The following ANXA8 variants were observed in gnomAD, a reference collection of about 807,000 sequenced individuals.
The protein encoded by ANXA8 is annexin A8, also known as VAC-beta.
In ANXA8, 9 loss-of-function variants were observed where a neutral mutation model predicts 26.8. The ratio of observed to expected loss-of-function variants is 0.34; its 90% CI spans 0.20 to 0.59. The LOEUF (loss-of-function observed/expected upper bound fraction) is 0.59, where lower values mean the gene tolerates loss of function less well. ANXA8 is among the 20% of genes least tolerant of loss of function. ANXA8 has a pLI of 0.84. For missense variants in ANXA8, 83 were observed against 238.5 expected (o/e 0.35, Z 4.29); for synonymous variants, 39 against 94.8 (o/e 0.41, Z 3.42).
the ANXA8 span, chr10:47,753,196 A>C: frequency 1.1e-6 from 1 of 937,048 alleles, no homozygotes; most frequent in Non-Finnish European, 1.3e-6. Context: ...TACACAAAAC[A>C]ACGTGTTGAC....
At chr10:47,977,623 A>T in the ANXA8 span, among the ~76,000 whole-genome samples, 1 of 151,592 alleles carries the variant, frequency 6.6e-6, no homozygotes, top group African/African-American at 2.4e-5. Flanking sequence ...AGAGATAGAA[A>T]ATTATATAAA....
upstream of ANXA8, among the ~76,000 whole-genome samples, chr10:47,486,394 T>G (rs1197927267): frequency 4.2e-5 from 6 of 141,520 alleles, no homozygotes; most frequent in African/African-American, 1.3e-4. Context: ...TTGTATATAG[T>G]TTCTGGTGAA....
chr10:47,951,512 A>G, the ANXA8 span, among the ~76,000 whole-genome samples: 6 of 150,536 alleles, frequency 4.0e-5, 1 homozygote, highest in African/African-American at 1.2e-4. Context: ...GCCAATGTCC[A>G]CAAGGAATAT....
At chr10:47,687,288 A>C in the ANXA8 span, among the ~76,000 whole-genome samples, 2 of 148,888 alleles carry the variant, frequency 1.3e-5, no homozygotes, top group African/African-American at 5.0e-5. Context: ...TTTGAGACAG[A>C]GTCTCACTCT....
the ANXA8 span, among the ~76,000 whole-genome samples, chr10:47,977,640 A>T: frequency 6.6e-6 from 1 of 151,368 alleles, no homozygotes; most frequent in African/African-American, 2.4e-5. Flanking sequence ...TAAAAAAGGG[A>T]AAAAAATAAA....
chr10:47,649,702 T>C, the ANXA8 span, among the ~76,000 whole-genome samples: 100 of 150,206 alleles, frequency 6.7e-4, no homozygotes, highest in Non-Finnish European at 1.3e-3. Context: ...CCACTGCGCC[T>C]GGCCCTTAAA....
the ANXA8 span, among the ~76,000 whole-genome samples, chr10:47,566,389 A>AG: frequency 6.6e-6 from 1 of 150,896 alleles, no homozygotes; most frequent in Non-Finnish European, 1.5e-5. Flanking sequence ...GAAAGTTGAA[A>AG]AAAAAAAAAA....
the ANXA8 span, among the ~76,000 whole-genome samples, chr10:47,535,459 T>C: frequency 2.2e-5 from 3 of 134,568 alleles, 1 homozygote; most frequent in African/African-American, 6.5e-5. Context: ...TATACAAGTG[T>C]ATGCTCATTC....
the ANXA8 span, among the ~76,000 whole-genome samples, chr10:47,651,664 G>A: frequency 2.0e-5 from 3 of 150,344 alleles, no homozygotes; most frequent in African/African-American, 7.4e-5. Context: ...GAAGGCCGAG[G>A]CAGGTGGATC....
At chr10:47,991,719 A>C in the ANXA8 span, 1 of 1,611,014 alleles carries the variant, frequency 6.2e-7, no homozygotes, top group Non-Finnish European at 8.5e-7. Flanking sequence ...CTTCGGGGGC[A>C]CCTTTCTCAC....
the ANXA8 span, among the ~76,000 whole-genome samples, chr10:47,653,523 TAGTG>T: frequency 1.4e-4 from 22 of 151,818 alleles, no homozygotes; most frequent in Admixed American, 1.4e-3. Flanking sequence ...GGAAGAGACT[TAGTG>T]GGAAAATTAA....
the ANXA8 span, among the ~76,000 whole-genome samples, chr10:47,604,909 A>C: frequency 6.7e-6 from 1 of 149,994 alleles, no homozygotes; most frequent in Non-Finnish European, 1.5e-5. Flanking sequence ...TACAGCATTG[A>C]AACAATTTAA....
upstream of ANXA8, chr10:47,487,409 C>T: frequency 9.0e-7 from 1 of 1,106,372 alleles, no homozygotes; most frequent in Non-Finnish European, 1.3e-6. Flanking sequence ...TCAGCAATGG[C>T]TGTTGGAAAG....
the ANXA8 span, among the ~76,000 whole-genome samples, chr10:47,575,333 TAACA>T: frequency 3.7e-5 from 3 of 80,644 alleles, no homozygotes; most frequent in South Asian, 5.3e-4. Context: ...TTTAATTTTT[TAACA>T]TAACTTTTAT....
chr10:47,666,524 T>C, the ANXA8 span, among the ~76,000 whole-genome samples: 2 of 151,894 alleles, frequency 1.3e-5, no homozygotes, highest in African/African-American at 4.9e-5. Flanking sequence ...GTCAATGTCA[T>C]GCATTTGGCT....
At chr10:47,659,310 T>A in the ANXA8 span, among the ~76,000 whole-genome samples, 1 of 151,838 alleles carries the variant, frequency 6.6e-6, no homozygotes, top group Non-Finnish European at 1.5e-5. Context: ...TTCCTTAACA[T>A]TTAAAAGCTG....
At chr10:47,684,175 G>A in the ANXA8 span, among the ~76,000 whole-genome samples, 1 of 152,092 alleles carries the variant, frequency 6.6e-6, no homozygotes, top group Non-Finnish European at 1.5e-5. Context: ...TTAACCCTCT[G>A]AGTACACCTA....
chr10:47,922,713 G>A, the ANXA8 span: 1 of 1,612,858 alleles, frequency 6.2e-7, no homozygotes, highest in Non-Finnish European at 8.5e-7. Context: ...GGCGCCTGCA[G>A]AGGCAGGGGC....
At chr10:47,671,210 C>T in the ANXA8 span, among the ~76,000 whole-genome samples, 6 of 151,962 alleles carry the variant, frequency 3.9e-5, no homozygotes, top group African/African-American at 1.5e-4. Context: ...ATCACTTGAG[C>T]TCAGGAGTTT....
Sources: gnomAD v4.1 joint callset for allele counts (sites outside exome capture counted in the v4.1 genomes callset) on GRCh38, gnomAD v4.1.1 for gene constraint, MANE v1.5 for transcripts, NCBI Gene and HGNC (gene_info 2026-07-23, HGNC 2026-07-21) for gene names.